Variants in SORBS2 observed in about 807,000 individuals in gnomAD.
The protein encoded by SORBS2 is sorbin and SH3 domain containing 2, also known as sorbin and SH3 domain-containing protein 2.
In SORBS2, 46 loss-of-function variants were observed where a neutral mutation model predicts 97.7. That is an observed-to-expected ratio of 0.47 (90% CI 0.37 to 0.60). SORBS2 has a LOEUF of 0.60. Among genes scored for constraint, SORBS2 ranks in the 20% least tolerant of loss-of-function variants. SORBS2 has a pLI of 0.00. For missense variants in SORBS2, 1,316 were observed against 1,282.3 expected, an observed-to-expected ratio of 1.03 and a Z score of -0.40; for synonymous variants, 476 against 473.4, an observed-to-expected ratio of 1.01 and a Z score of -0.07.
intron 12 of SORBS2, among the ~76,000 whole-genome samples, chr4:185,604,870 A>G (rs2096369546): frequency 6.6e-6 from 1 of 151,978 alleles, no homozygotes. Context: ...TTGCGTGTAA[A>G]GTAGGTTGCC....
intron 4 of SORBS2, among the ~76,000 whole-genome samples, chr4:185,675,769 G>GAATTACCTT (rs2097781788): frequency 6.6e-6 from 1 of 152,166 alleles, no homozygotes; most frequent in South Asian, 2.1e-4. Context: ...GGTGCTTTCA[G>GAATTACCTT]AAGATATTAC....
At chr4:185,756,590 A>G (rs1209193265) in intron 2 of SORBS2, among the ~76,000 whole-genome samples, 1 of 152,200 alleles carries the variant, frequency 6.6e-6, no homozygotes, top group African/African-American at 2.4e-5. Context: ...GTATCTGTAC[A>G]TATGCTTACA....
intron 2 of SORBS2, among the ~76,000 whole-genome samples, chr4:185,712,870 G>A (rs1003784970): frequency 1.6e-4 from 25 of 152,148 alleles, no homozygotes; most frequent in African/African-American, 5.6e-4. Context: ...CATCGCTACT[G>A]TCTCTTTAAA....
intron 1 of SORBS2, among the ~76,000 whole-genome samples, chr4:185,795,635 G>A (rs888950687): frequency 6.6e-6 from 1 of 152,184 alleles, no homozygotes; most frequent in African/African-American, 2.4e-5. Flanking sequence ...GCTGTACTAG[G>A]TTAAAAATAT....
chr4:185,930,592 C>T (rs2099265963), intron 1 of SORBS2, among the ~76,000 whole-genome samples: 1 of 152,120 alleles, frequency 6.6e-6, no homozygotes, highest in African/African-American at 2.4e-5. Context: ...GCCACTGCTC[C>T]CGGCCCTGGA....
chr4:185,624,049 C>G (rs1302751689), exon 7 of SORBS2: 1 of 1,614,180 alleles, frequency 6.2e-7, no homozygotes, highest in East Asian at 2.2e-5. Flanking sequence ...TGATGCGGTG[C>G]ATTTTCTTGT....
At chr4:185,664,379 A>C (rs1441434385) in intron 4 of SORBS2, among the ~76,000 whole-genome samples, 1 of 152,210 alleles carries the variant, frequency 6.6e-6, no homozygotes, top group East Asian at 1.9e-4. Context: ...TCTCCTGTAA[A>C]GTCTTAAAAA....
At chr4:185,918,198 T>A (rs2099259237) in intron 1 of SORBS2, 1 of 152,240 alleles carries the variant, frequency 6.6e-6, no homozygotes, top group African/African-American at 2.4e-5. Context: ...TTTCTTTGAA[T>A]GTAAAAAATC....
intron 1 of SORBS2, among the ~76,000 whole-genome samples, chr4:185,788,487 A>G (rs2099066490): frequency 6.6e-6 from 1 of 152,240 alleles, no homozygotes; most frequent in Non-Finnish European, 1.5e-5. Context: ...AAAGGAGAAT[A>G]GCACCATTTA....
intron 1 of SORBS2, among the ~76,000 whole-genome samples, chr4:185,847,652 CG>C (rs2149675916): frequency 6.6e-6 from 1 of 152,172 alleles, no homozygotes; most frequent in Admixed American, 6.5e-5. Context: ...CTGCTGTAGA[CG>C]GCAGCAACGA....
intron 1 of SORBS2, among the ~76,000 whole-genome samples, chr4:185,852,571 T>C (rs2099218516): frequency 6.6e-6 from 1 of 152,238 alleles, no homozygotes; most frequent in Admixed American, 6.5e-5. Flanking sequence ...GCTGTAGCTT[T>C]CTAGAGATTT....
intron 1 of SORBS2, among the ~76,000 whole-genome samples, chr4:185,875,444 G>T (rs2099233002): frequency 6.6e-6 from 1 of 152,172 alleles, no homozygotes. Context: ...CCGGAGGCAG[G>T]GATTTAGTCC....
At position 185,787,389 on chromosome 4, in the gene SORBS2, C is replaced by T. The variant is rs143106361; in HGVS notation, c.-337-12023G>A. 2.1e-3 allele frequency among the ~76,000 whole-genome samples: 318 copies of T among 152,074 alleles called. 1 individual carries two copies. Among genetic ancestry groups the T allele is most frequent in the African/African-American group, 7.2e-3 (299 of 41,464 alleles). ...TGGGGAACAGATTAAGTAAAAAGTA[C>T]GTAAAAGACAACATCTTCTTCACAC... is the stretch of plus-strand genomic sequence containing the variant. On this transcript the variant is annotated intron_variant, in intron 1 of 20. Coordinates refer to the SORBS2 transcript ENST00000284776.
At chr4:185,668,100 A>G (rs1275936961) in intron 4 of SORBS2, among the ~76,000 whole-genome samples, 1 of 152,230 alleles carries the variant, frequency 6.6e-6, no homozygotes, top group African/African-American at 2.4e-5. Flanking sequence ...TTATCTGCTC[A>G]TGAGACTTTT....
At chr4:185,781,881 C>G (rs575287779) in intron 1 of SORBS2, among the ~76,000 whole-genome samples, 1 of 152,388 alleles carries the variant, frequency 6.6e-6, no homozygotes, top group East Asian at 1.9e-4. Context: ...CCCGCCACCC[C>G]CTTTTTTTAA....
intron 1 of SORBS2, among the ~76,000 whole-genome samples, chr4:185,838,340 C>T (rs2099209381): frequency 6.6e-6 from 1 of 152,242 alleles, no homozygotes; most frequent in African/African-American, 2.4e-5. Context: ...CCTCTAGCTC[C>T]CCTGGGGGCT....
intron 4 of SORBS2, among the ~76,000 whole-genome samples, chr4:185,674,751 A>G (rs917795565): frequency 1.3e-5 from 2 of 152,080 alleles, no homozygotes; most frequent in Non-Finnish European, 2.9e-5. Flanking sequence ...CAGCATGATC[A>G]ACCTCAAAGC....
intron 4 of SORBS2, among the ~76,000 whole-genome samples, chr4:185,642,949 A>G (rs1581651746): frequency 6.6e-6 from 1 of 152,334 alleles, no homozygotes; most frequent in South Asian, 2.1e-4. Context: ...TCCCTCACCA[A>G]CTTTTTCCAC....
intron 2 of SORBS2, among the ~76,000 whole-genome samples, chr4:185,692,657 C>T (rs2098117460): frequency 6.6e-6 from 1 of 152,094 alleles, no homozygotes; most frequent in African/African-American, 2.4e-5. Flanking sequence ...AATGGTACTT[C>T]TCTCCCAGTG....
Sources: allele counts gnomAD v4.1 joint callset (sites outside exome capture counted in the v4.1 genomes callset), GRCh38; gene constraint gnomAD v4.1.1; transcripts MANE v1.5; gene names NCBI Gene and HGNC (gene_info 2026-07-23, HGNC 2026-07-21).